ITPKB: variants seen among roughly 807,000 people sequenced by gnomAD.
ITPKB encodes the protein IP3 3-kinase B.
ITPKB carries 13 observed loss-of-function variants against 69.4 expected under a neutral mutation model. The observed-to-expected ratio is 0.19, with a 90% CI of 0.12 to 0.30. The LOEUF is 0.30. Among genes scored for constraint, ITPKB ranks in the 10% least tolerant of loss-of-function variants. The pLI, the probability that ITPKB is intolerant of heterozygous loss-of-function variation, is 1.00. For missense variants in ITPKB, 1,240 were observed against 1,250.5 expected, an observed-to-expected ratio of 0.99 and a Z score of 0.13; for synonymous variants, 584 against 513.7, an observed-to-expected ratio of 1.14 and a Z score of -1.85.
chr1:226,710,260 A>G (rs959882635), intron 2 of ITPKB, among the ~76,000 whole-genome samples: 4 of 152,172 alleles, frequency 2.6e-5, no homozygotes, highest in Non-Finnish European at 4.4e-5. Context: ...CCTTTTAACT[A>G]GTTATTTCTT....
chr1:226,662,610 T>G (rs965173308), intron 2 of ITPKB, among the ~76,000 whole-genome samples: 1 of 152,152 alleles, frequency 6.6e-6, no homozygotes, highest in African/African-American at 2.4e-5. Context: ...AAAAAGACCT[T>G]GTAAGAGATT....
chr1:226,715,745 G>A (rs1657079525), intron 2 of ITPKB, among the ~76,000 whole-genome samples: 3 of 152,122 alleles, frequency 2.0e-5, no homozygotes, highest in South Asian at 4.1e-4. Flanking sequence ...ATTAAACCAA[G>A]TCATTTGAAA....
chr1:226,715,989 TTAG>T (rs1488205813), intron 2 of ITPKB, among the ~76,000 whole-genome samples: 1 of 152,208 alleles, frequency 6.6e-6, no homozygotes, highest in Non-Finnish European at 1.5e-5. Context: ...TTTTGTATTT[TTAG>T]TAGAGATGAG....
intron 2 of ITPKB, among the ~76,000 whole-genome samples, chr1:226,684,689 G>T (rs558810992): frequency 5.9e-5 from 9 of 152,288 alleles, no homozygotes; most frequent in African/African-American, 9.6e-5. Context: ...CAGGCCTTGT[G>T]CTTTTCAAAT....
chr1:226,643,273 C>T (rs1009737757), intron 4 of ITPKB, among the ~76,000 whole-genome samples: 1 of 152,166 alleles, frequency 6.6e-6, no homozygotes, highest in Non-Finnish European at 1.5e-5. Flanking sequence ...CACAGCTCTG[C>T]GCTTCTACCT....
rs1317567681 is a variant in ITPKB at position 226,634,337 on chromosome 1, G to A, written c.*334C>T. 7.0e-6 allele frequency: 2 copies of A among 287,388 alleles called. No homozygotes were observed. The highest frequency in any genetic ancestry group is 4.3e-5 in the African/African-American group (2 of 46,228). 17.8% of individuals were successfully genotyped at this position (287,388 alleles called of 1,614,324 possible). On this transcript the variant is annotated 3_prime_UTR_variant, in exon 8 of 8. Transcript: ENST00000429204. This position sits in a 1 kb window ranked among gnomAD's most constrained non-coding sequence, Gnocchi z 6.3. ...CTCCGCAGGTGGTAGGTCCAGGCTG[G>A]TGCTTCCTAGGGGGCTCCCAGAGGC...
intron 2 of ITPKB, among the ~76,000 whole-genome samples, chr1:226,689,396 T>C (rs1314208510): frequency 2.0e-5 from 3 of 152,172 alleles, no homozygotes. Flanking sequence ...ATAAAGTTAA[T>C]AAGCATCCAA....
chr1:226,716,514 A>G (rs535202653), intron 2 of ITPKB, among the ~76,000 whole-genome samples: 6 of 152,146 alleles, frequency 3.9e-5, no homozygotes, highest in African/African-American at 1.4e-4. Flanking sequence ...ATAACCCATC[A>G]CCTAGGTATT....
intron 2 of ITPKB, among the ~76,000 whole-genome samples, chr1:226,687,117 A>C (rs1656235465): frequency 6.6e-6 from 1 of 152,236 alleles, no homozygotes; most frequent in South Asian, 2.1e-4. Context: ...GTAGTCAGTG[A>C]GCAAAAAGGA....
chr1:226,678,086 C>T (rs1655952466), intron 2 of ITPKB, among the ~76,000 whole-genome samples: 1 of 152,146 alleles, frequency 6.6e-6, no homozygotes, highest in Non-Finnish European at 1.5e-5. Context: ...ATAGTAGAGT[C>T]TAGATTTGGA....
At chr1:226,713,090 G>A (rs542817193) in intron 2 of ITPKB, among the ~76,000 whole-genome samples, 4 of 151,848 alleles carry the variant, frequency 2.6e-5, no homozygotes, top group African/African-American at 7.3e-5. Context: ...GTGCATATGC[G>A]CAAATAAATA....
intron 2 of ITPKB, among the ~76,000 whole-genome samples, chr1:226,679,344 T>C (rs1381089819): frequency 6.6e-6 from 1 of 152,216 alleles, no homozygotes; most frequent in Non-Finnish European, 1.5e-5. Flanking sequence ...TCCATGCTCC[T>C]GGAGTTTTGG....
Position 226,662,987 on chromosome 1 carries a change from C to T in ITPKB, c.1933-14216G>A, listed in dbSNP as rs573461525. Among the ~76,000 whole-genome samples the T allele has an allele frequency of 1.2e-3, 184 of 152,270 alleles. 2 individuals are homozygous for T. The highest frequency in any genetic ancestry group is 2.5e-4 in the Non-Finnish European group (17 of 68,026). On this transcript the variant is annotated intron_variant, in intron 2 of 7. Transcript: ENST00000429204. ...TGTTCAGGGTAGAGACCCTGTGTCT[C>T]GGTTCAGCAGTCATGCATCTGTTCA... is the stretch of plus-strand genomic sequence containing the variant.
intron 2 of ITPKB, among the ~76,000 whole-genome samples, chr1:226,666,833 C>T (rs1305187012): frequency 6.6e-6 from 1 of 152,202 alleles, no homozygotes; most frequent in Non-Finnish European, 1.5e-5. Flanking sequence ...CCTTCTGTGG[C>T]TTCCCTAAAG....
intron 2 of ITPKB, among the ~76,000 whole-genome samples, chr1:226,713,435 C>A (rs759511165): frequency 6.6e-6 from 1 of 152,210 alleles, no homozygotes; most frequent in Non-Finnish European, 1.5e-5. Context: ...TCTGTGCCCC[C>A]TCTGTCAAGG....
intron 2 of ITPKB, among the ~76,000 whole-genome samples, chr1:226,665,732 G>C (rs938771734): frequency 2.2e-4 from 34 of 152,132 alleles, no homozygotes; most frequent in Non-Finnish European, 4.6e-4. Context: ...ACATCACTGT[G>C]GTCGTGGCTG....
chr1:226,690,745 G>C (rs994910663), intron 2 of ITPKB, among the ~76,000 whole-genome samples: 6 of 152,208 alleles, frequency 3.9e-5, no homozygotes, highest in African/African-American at 1.4e-4. Context: ...CAAGCAGGCA[G>C]GGAAATCAGG....
intron 2 of ITPKB, among the ~76,000 whole-genome samples, chr1:226,727,328 G>A (rs1363569472): frequency 7.9e-5 from 12 of 152,142 alleles, no homozygotes; most frequent in Non-Finnish European, 1.6e-4. Context: ...AAATTGAGTT[G>A]AGCCCGGAAA....
At chr1:226,680,497 T>C (rs1294368364) in intron 2 of ITPKB, among the ~76,000 whole-genome samples, 1 of 152,222 alleles carries the variant, frequency 6.6e-6, no homozygotes, top group Non-Finnish European at 1.5e-5. Context: ...CGGGACCAGC[T>C]GGTGAACCGA....
Sources: gnomAD v4.1 joint callset for allele counts (sites outside exome capture counted in the v4.1 genomes callset) on GRCh38, gnomAD v4.1.1 for gene constraint, Gnocchi (gnomAD v3.1) non-coding constraint, MANE v1.5 for transcripts, NCBI Gene and HGNC (gene_info 2026-07-23, HGNC 2026-07-21) for gene names.